The following MFSD6 variants were observed in gnomAD, a reference collection of about 807,000 sequenced individuals.
MFSD6 encodes the protein major facilitator superfamily domain containing 6.
Under a neutral mutation model 56.3 loss-of-function variants are expected in MFSD6, and 26 were observed. The ratio of observed to expected loss-of-function variants is 0.46; its 90% CI spans 0.34 to 0.64. MFSD6 has a LOEUF of 0.64. Among genes scored for constraint, MFSD6 ranks in the 30% least tolerant of loss-of-function variants. MFSD6 has a pLI of 0.01. For missense variants in MFSD6, 750 were observed against 986.2 expected, an observed-to-expected ratio of 0.76 and a Z score of 3.21; for synonymous variants, 331 against 366.9, an observed-to-expected ratio of 0.90 and a Z score of 1.12.
At position 190,418,007 on chromosome 2, in the gene MFSD6, A is replaced by ATGT. The variant is rs1690859256; in HGVS notation, c.-54+2594_-54+2595insTGT. ...GTGTGTGTGTGTGTGTGTGTATGTG[A>ATGT]GAGAGAGAGAGATGTGGTTTATCAT... On this transcript the variant is annotated intron_variant, in intron 2 of 7. Transcript: ENST00000392328. The surrounding 1 kb of genome is among the most constrained non-coding windows in gnomAD (Gnocchi z 4.1). 8.9e-6 allele frequency among the ~76,000 whole-genome samples: 1 copy of ATGT among 112,192 alleles called. No individual in the cohort carries two copies. Among genetic ancestry groups the ATGT allele is most frequent in the East Asian group, 2.8e-4 (1 of 3,626 alleles). The allele number at this position is 112,192 out of a possible 152,430, so 73.6% of individuals were successfully genotyped here. A position where few individuals can be genotyped will look rare whatever the true frequency, so the allele number is the denominator to read the frequency against.
At position 190,489,668 on chromosome 2, in the gene MFSD6, T is replaced by C. The variant is rs1689217034; in HGVS notation, c.1793-100T>C. 6 of 1,110,258 alleles carry C rather than the reference T, an allele frequency of 5.4e-6. No homozygotes were observed. Among genetic ancestry groups the C allele is most frequent in the Non-Finnish European group, 7.7e-6 (6 of 774,846 alleles). 68.8% of individuals were successfully genotyped at this position (1,110,258 alleles called of 1,614,324 possible). A position where few individuals can be genotyped will look rare whatever the true frequency, so the allele number is the denominator to read the frequency against. On this transcript the variant is annotated intron_variant, in intron 5 of 7. Transcript: ENST00000392328. The surrounding 1 kb of genome is among the most constrained non-coding windows in gnomAD (Gnocchi z 6.6). ...TACTTTTCTCTGGTTTGTCTCAAGCTGTGCTTCCTTTGCTTTGATCTTTAG... is the reference window on the plus strand; with the variant it reads ...TACTTTTCTCTGGTTTGTCTCAAGCCGTGCTTCCTTTGCTTTGATCTTTAG...
chr2:190,484,305 A>G (rs1264653084), intron 4 of MFSD6, among the ~76,000 whole-genome samples: 1 of 152,194 alleles, frequency 6.6e-6, no homozygotes, highest in African/African-American at 2.4e-5. Flanking sequence ...TTGTAATTCT[A>G]GTGTAAACAC....
In MFSD6 at chr2:190,490,646, T is replaced by C. The variant is rs895585391; in HGVS notation, c.1891+780T>C. Among the ~76,000 whole-genome samples the C allele has an allele frequency of 6.6e-6, 1 of 152,170 alleles. No homozygotes were observed. Among genetic ancestry groups the C allele is most frequent in the African/African-American group, 2.4e-5 (1 of 41,446 alleles). The stretch of plus-strand genomic sequence containing the variant: ...TGAACCAGGGATGCCTTTATTAAGA[T>C]TGTTCTACCAAAAGGAGGTTATATC... On this transcript the variant is annotated intron_variant, in intron 6 of 7. Transcript: ENST00000392328. This position sits in a 1 kb window ranked among gnomAD's most constrained non-coding sequence, Gnocchi z 4.5.
intron 2 of MFSD6, chr2:190,435,320 T>C (rs1225959476): frequency 6.6e-6 from 1 of 152,264 alleles, no homozygotes; most frequent in Non-Finnish European, 1.5e-5. Context: ...TGATACAGAG[T>C]GCTAAATAAG....
At position 190,488,766 on chromosome 2, in the gene MFSD6, T is replaced by C. The variant is rs751281376; in HGVS notation, c.1740T>C (p.Gly580=). 4 of 1,609,144 alleles carry C rather than the reference T, an allele frequency of 2.5e-6. No individual in the cohort carries two copies. In the African/African-American group the frequency reaches 5.4e-5, roughly 22 times the overall value. ...AQGILQGLHL[G]LGRGCGAMIG... ...GCATCCTGCAGGGCCTTCACCTGGGTTTGGGAAGAGGATGTGGTGCCATGA... is the reference window on the plus strand; with the variant it reads ...GCATCCTGCAGGGCCTTCACCTGGGCTTGGGAAGAGGATGTGGTGCCATGA... The change falls in exon 5 of 8, where the codon GGT becomes GGC. Residue 580 remains glycine, a synonymous_variant. Coordinates refer to ENST00000392328, the MANE Select transcript of MFSD6 (RefSeq NM_017694.4). The surrounding 1 kb of genome is among the most constrained non-coding windows in gnomAD (Gnocchi z 6.4).
rs1689196452 is a variant in MFSD6 at position 190,489,334 on chromosome 2, C to G, written c.1793-434C>G. 6.6e-6 allele frequency among the ~76,000 whole-genome samples: 1 copy of G among 152,178 alleles called. No homozygotes were observed. The highest frequency in any genetic ancestry group is 1.5e-5 in the Non-Finnish European group (1 of 68,038). ...AATGAGATTATTCTGCTCCAGGAATCTTAACTACTCAGTCATCTATTAATA... is the reference window on the plus strand; with the variant it reads ...AATGAGATTATTCTGCTCCAGGAATGTTAACTACTCAGTCATCTATTAATA... On this transcript the variant is annotated intron_variant, in intron 5 of 7. Transcript: ENST00000392328. This position sits in a 1 kb window ranked among gnomAD's most constrained non-coding sequence, Gnocchi z 6.6.
Position 190,469,619 on chromosome 2 carries a change from C to T in MFSD6, c.1533-139C>T. The T allele has an allele frequency of 2.5e-6, 1 of 396,106 alleles. No individual in the cohort carries two copies. The highest frequency in any genetic ancestry group is 4.2e-6 in the Non-Finnish European group (1 of 236,452). The allele number at this position is 396,106 out of a possible 1,614,324, so 24.5% of individuals were successfully genotyped here. A position where few individuals can be genotyped will look rare whatever the true frequency, so the allele number is the denominator to read the frequency against. ...TTCCCACTCCTGAGTTTGGAGTCTG[C>T]TGGATGATGGGTGGTTTGGGGAAGG... On this transcript the variant is annotated intron_variant, in intron 3 of 7. Transcript: ENST00000392328. The surrounding 1 kb of genome is among the most constrained non-coding windows in gnomAD (Gnocchi z 5.3).
At position 190,434,674 on chromosome 2, in the gene MFSD6, C is replaced by T. The variant is rs898386343; in HGVS notation, c.-53-1303C>T. 1.1e-4 allele frequency among the ~76,000 whole-genome samples: 17 copies of T among 152,248 alleles called. No individual in the cohort carries two copies. Among genetic ancestry groups the T allele is most frequent in the Admixed American group, 9.2e-4 (14 of 15,298 alleles). Reference sequence around the variant, plus strand: ...GTCTCAATCTCCTGAACTCATGATCCGCCCCCCTCAGCCTCCCAAAGTGCT... The same window carrying T: ...GTCTCAATCTCCTGAACTCATGATCTGCCCCCCTCAGCCTCCCAAAGTGCT... On this transcript the variant is annotated intron_variant, in intron 2 of 7. Transcript: ENST00000392328. This position sits in a 1 kb window ranked among gnomAD's most constrained non-coding sequence, Gnocchi z 4.3.
At position 190,459,135 on chromosome 2, in the gene MFSD6, T is replaced by A. The variant is rs915261683; in HGVS notation, c.1533-10623T>A. Among the ~76,000 whole-genome samples the A allele has an allele frequency of 5.3e-5, 8 of 152,194 alleles. No individual in the cohort carries two copies. Among genetic ancestry groups the A allele is most frequent in the African/African-American group, 1.7e-4 (7 of 41,450 alleles). On this transcript the variant is annotated intron_variant, in intron 3 of 7. Transcript: ENST00000392328. The surrounding 1 kb of genome is among the most constrained non-coding windows in gnomAD (Gnocchi z 5.3). The stretch of plus-strand genomic sequence containing the variant: ...GAACATCCTATCCAAGACTCCTTTT[T>A]TCCTCCCTCCATATTGTGGCTCCTT...
At chr2:190,473,934 T>C (rs1312917833) in intron 4 of MFSD6, among the ~76,000 whole-genome samples, 2 of 152,106 alleles carry the variant, frequency 1.3e-5, no homozygotes, top group African/African-American at 4.8e-5. Context: ...CTCAAGTACA[T>C]GGAAACTGAA....
At position 190,417,663 on chromosome 2, in the gene MFSD6, G is replaced by A. The variant is rs1690833604; in HGVS notation, c.-54+2250G>A. On this transcript the variant is annotated intron_variant, in intron 2 of 7. Transcript: ENST00000392328. The surrounding 1 kb of genome is among the most constrained non-coding windows in gnomAD (Gnocchi z 5.7). Reference sequence around the variant, plus strand: ...TCAAGGCCCTGTGCCATCTGTTGCTGTCTGGGTGGCCTCATGTGCCCTTTA... The same window carrying A: ...TCAAGGCCCTGTGCCATCTGTTGCTATCTGGGTGGCCTCATGTGCCCTTTA... Among the ~76,000 whole-genome samples, 1 of 152,118 alleles carries A rather than the reference G, an allele frequency of 6.6e-6. No homozygotes were observed. Among genetic ancestry groups the A allele is most frequent in the Non-Finnish European group, 1.5e-5 (1 of 68,018 alleles).
Position 190,469,907 on chromosome 2 carries a change from GC to G in MFSD6, c.1630+53del. On this transcript the variant is annotated intron_variant, in intron 4 of 7. Transcript: ENST00000392328. The surrounding 1 kb of genome is among the most constrained non-coding windows in gnomAD (Gnocchi z 5.3). ...ATTTCTCTGCCTTCCCTGAGCTGTG[GC>G]TAAAAGCCCAGTGGCCTTCAGCATC... The G allele has an allele frequency of 7.4e-7, 1 of 1,356,128 alleles. No homozygotes were observed. The highest frequency in any genetic ancestry group is 1.0e-6 in the Non-Finnish European group (1 of 957,440). The allele number at this position is 1,356,128 out of a possible 1,614,324, so 84.0% of individuals were successfully genotyped here. A position where few individuals can be genotyped will look rare whatever the true frequency, so the allele number is the denominator to read the frequency against.
intron 4 of MFSD6, among the ~76,000 whole-genome samples, chr2:190,482,876 T>TC (rs1389427753): frequency 3.7e-5 from 1 of 27,006 alleles, no homozygotes; most frequent in African/African-American, 8.9e-5. Context: ...ATCTTTTTTT[T>TC]TTTTTTTTTT....
rs1337115664 is a variant in MFSD6, at chr2:190,502,204, CAGCCTTGTGAGCTGA to C, written c.*1987_*2001del. ...GCAGAATCGATAATGCAGTCATTTC[CAGCCTTGTGAGCTGA>C]CACCTTCATGGGTTTGTGGACTTTG... On this transcript the variant is annotated 3_prime_UTR_variant, in exon 8 of 8. Transcript: ENST00000392328. The surrounding 1 kb of genome is among the most constrained non-coding windows in gnomAD (Gnocchi z 4.4). 32 of 152,308 alleles carry C rather than the reference CAGCCTTGTGAGCTGA, an allele frequency of 2.1e-4. No homozygotes were observed. Among genetic ancestry groups the C allele is most frequent in the African/African-American group, 7.7e-4 (32 of 41,566 alleles). 9.4% of individuals were successfully genotyped at this position (152,308 alleles called of 1,614,324 possible). A position where few individuals can be genotyped will look rare whatever the true frequency, so the allele number is the denominator to read the frequency against.
chr2:190,486,567 G>A (rs1689020765), intron 4 of MFSD6, among the ~76,000 whole-genome samples: 2 of 152,108 alleles, frequency 1.3e-5, no homozygotes, highest in Admixed American at 1.3e-4. Context: ...CATCTCTCAG[G>A]GATCACTGTC....
chr2:190,441,560 G>A (rs1189038428), intron 3 of MFSD6, among the ~76,000 whole-genome samples: 3 of 152,044 alleles, frequency 2.0e-5, no homozygotes, highest in African/African-American at 4.8e-5. Flanking sequence ...ATTTGGAGAT[G>A]GTTCCCTCTA....
In MFSD6 at chr2:190,457,509, TG is replaced by T. The variant is rs1687107339; in HGVS notation, c.1533-12248del. Among the ~76,000 whole-genome samples the T allele has an allele frequency of 1.3e-5, 2 of 152,326 alleles. No homozygotes were observed. Among genetic ancestry groups the T allele is most frequent in the Non-Finnish European group, 2.9e-5 (2 of 68,030 alleles). ...AGACCATCTAGCCAGTGATAGGGGA[TG>T]TGTTTTATGATAGCAGTTGCTGGGA... On this transcript the variant is annotated intron_variant, in intron 3 of 7. Coordinates refer to ENST00000392328, the MANE Select transcript of MFSD6 (RefSeq NM_017694.4). This position sits in a 1 kb window ranked among gnomAD's most constrained non-coding sequence, Gnocchi z 5.1.
At position 190,451,994 on chromosome 2, in the gene MFSD6, C is replaced by G. The variant is rs1217245179; in HGVS notation, c.1532+14433C>G. On this transcript the variant is annotated intron_variant, in intron 3 of 7. Transcript: ENST00000392328. This position sits in a 1 kb window ranked among gnomAD's most constrained non-coding sequence, Gnocchi z 5.0. ...AGTTTTAGAGAAATTACAAGCTGTG[C>G]TGTTTTTTTGAGTCATCAGCTGATG... 6.6e-6 allele frequency among the ~76,000 whole-genome samples: 1 copy of G among 151,966 alleles called. No homozygotes were observed. Among genetic ancestry groups the G allele is most frequent in the East Asian group, 1.9e-4 (1 of 5,194 alleles).
chr2:190,409,402 A>T (rs1372362279), intron 1 of MFSD6, among the ~76,000 whole-genome samples: 1 of 152,170 alleles, frequency 6.6e-6, no homozygotes, highest in Non-Finnish European at 1.5e-5. Context: ...GAACTACTGG[A>T]ACATATAATA....
Sources: allele counts gnomAD v4.1 joint callset (sites outside exome capture counted in the v4.1 genomes callset), GRCh38; gene constraint gnomAD v4.1.1; non-coding constraint Gnocchi (gnomAD v3.1); transcripts MANE v1.5; gene names NCBI Gene and HGNC (gene_info 2026-07-23, HGNC 2026-07-21).